GPC6: variants seen among roughly 807,000 people sequenced by gnomAD.
GPC6 encodes glypican-6.
Under a neutral mutation model 55.2 loss-of-function variants are expected in GPC6, and 14 were observed. That is an observed-to-expected ratio of 0.25 (90% confidence interval 0.17 to 0.40). The LOEUF is 0.40. Ranked by LOEUF, GPC6 falls within the 10% of genes least tolerant of loss-of-function variation. GPC6 has a pLI of 1.00. For synonymous variants in GPC6, 278 were observed against 259.6 expected, an observed-to-expected ratio of 1.07 and a Z score of -0.68; for missense variants, 641 against 708.5, an observed-to-expected ratio of 0.90 and a Z score of 1.08.
At chr13:93,635,871 A>G (rs927852313) in intron 2 of GPC6, among the ~76,000 whole-genome samples, 12 of 152,134 alleles carry the variant, frequency 7.9e-5, no homozygotes, top group Non-Finnish European at 1.2e-4. Context: ...TGCGGTTTGT[A>G]GTGTTCCTAG....
At chr13:93,715,724 G>A (rs1883229611) in intron 2 of GPC6, among the ~76,000 whole-genome samples, 1 of 151,598 alleles carries the variant, frequency 6.6e-6, no homozygotes, top group African/African-American at 2.4e-5. Context: ...CTTAAATTCT[G>A]TATTTTCTCA....
At chr13:93,764,796 T>TTTTA (rs746958166) in intron 2 of GPC6, among the ~76,000 whole-genome samples, 183 of 152,078 alleles carry the variant, frequency 1.2e-3, no homozygotes, top group Non-Finnish European at 1.9e-3. Context: ...AATACAATGT[T>TTTTA]TTTATTTATT....
chr13:94,373,132 CTG>C (rs1471299237), intron 6 of GPC6, among the ~76,000 whole-genome samples: 2 of 152,150 alleles, frequency 1.3e-5, no homozygotes, highest in African/African-American at 4.8e-5. Flanking sequence ...AACAGAAAAA[CTG>C]GAAACTCTAA....
chr13:94,250,702 A>G (rs1891322119), intron 4 of GPC6, among the ~76,000 whole-genome samples: 1 of 152,144 alleles, frequency 6.6e-6, no homozygotes, highest in Non-Finnish European at 1.5e-5. Flanking sequence ...TTTTCTTTCA[A>G]AATAATCTGG....
intron 3 of GPC6, among the ~76,000 whole-genome samples, chr13:94,017,576 G>A (rs1230032859): frequency 6.6e-6 from 1 of 152,148 alleles, no homozygotes; most frequent in African/African-American, 2.4e-5. Context: ...GATAGGTGGG[G>A]AGTTTTACAA....
At chr13:93,236,298 T>C (rs74108037) in intron 1 of GPC6, among the ~76,000 whole-genome samples, 6,299 of 152,214 alleles carry the variant, frequency 0.041, 223 homozygotes, top group East Asian at 0.097. Context: ...AATTATATAG[T>C]AGTGAATTCT....
chr13:93,269,054 T>G (rs1182187478), intron 1 of GPC6, among the ~76,000 whole-genome samples: 3 of 152,200 alleles, frequency 2.0e-5, no homozygotes, highest in Non-Finnish European at 4.4e-5. Context: ...AGGTAACAAT[T>G]ATTAAATTTA....
intron 4 of GPC6, among the ~76,000 whole-genome samples, chr13:94,264,826 G>A (rs907322683): frequency 6.6e-6 from 1 of 152,224 alleles, no homozygotes; most frequent in Non-Finnish European, 1.5e-5. Context: ...GTTCCACATG[G>A]CTGGAGAGAC....
intron 1 of GPC6, among the ~76,000 whole-genome samples, chr13:93,361,983 A>T (rs1487573086): frequency 6.6e-6 from 1 of 152,088 alleles, no homozygotes; most frequent in Non-Finnish European, 1.5e-5. Context: ...TCATACAAAG[A>T]CTCCAGCCTC....
intron 4 of GPC6, among the ~76,000 whole-genome samples, chr13:94,165,483 G>T (rs1888336251): frequency 6.6e-6 from 1 of 151,738 alleles, no homozygotes; most frequent in Admixed American, 6.6e-5. Flanking sequence ...TGGACTTTGG[G>T]GACTCAGGGG....
chr13:94,182,201 ATT>A (rs34280963), intron 4 of GPC6, among the ~76,000 whole-genome samples: 1 of 148,314 alleles, frequency 6.7e-6, no homozygotes. Flanking sequence ...TAGGTCTCAG[ATT>A]TTTTTTTTTT....
intron 2 of GPC6, among the ~76,000 whole-genome samples, chr13:93,825,289 A>G (rs1474025303): frequency 1.3e-5 from 2 of 152,216 alleles, no homozygotes; most frequent in African/African-American, 4.8e-5. Context: ...AATTTACAAT[A>G]TACAGCACAG....
intron 1 of GPC6, among the ~76,000 whole-genome samples, chr13:93,425,255 T>C (rs909446935): frequency 2.6e-5 from 4 of 152,184 alleles, no homozygotes; most frequent in Admixed American, 2.0e-4. Context: ...CTGGCCACTT[T>C]AGCAACATTG....
chr13:93,478,690 G>T (rs926860562), intron 1 of GPC6, among the ~76,000 whole-genome samples: 1 of 152,154 alleles, frequency 6.6e-6, no homozygotes, highest in Non-Finnish European at 1.5e-5. Flanking sequence ...GTGATTATGT[G>T]AGGGACATGT....
chr13:94,129,843 C>T (rs1357355302), intron 4 of GPC6, among the ~76,000 whole-genome samples: 1 of 152,094 alleles, frequency 6.6e-6, no homozygotes, highest in Non-Finnish European at 1.5e-5. Context: ...GACTCAAAGG[C>T]CACATAAGCA....
chr13:93,644,204 A>C (rs538819440), intron 2 of GPC6, among the ~76,000 whole-genome samples: 2 of 152,144 alleles, frequency 1.3e-5, no homozygotes, highest in South Asian at 4.1e-4. Context: ...TATCAAGAAA[A>C]GTTTATACTG....
intron 2 of GPC6, among the ~76,000 whole-genome samples, chr13:93,582,005 T>C (rs1436183574): frequency 1.3e-5 from 2 of 152,148 alleles, no homozygotes; most frequent in East Asian, 3.9e-4. Context: ...TTAAAGAAGT[T>C]CCTCTGGGTA....
rs1221539849 is a variant in GPC6 at position 94,403,126 on chromosome 13, A to T, written c.1577A>T (p.Glu526Val). The change falls in exon 9 of 9, where the codon GAG (glutamate) becomes GTG (valine). Residue 526 changes from glutamate (E) to valine (V), a missense_variant. Coordinates refer to ENST00000377047, the MANE Select transcript of GPC6 (RefSeq NM_005708.5). ...EAPAVDPDRR[E>V]VDSSAAQRGH... ...CCCGCAGTGGATCCCGACCGGAGAG[A>T]GGTGGACTCTTCTGCAGCCCAGCGT... 8 of 1,613,610 alleles carry T rather than the reference A, an allele frequency of 5.0e-6. No homozygotes were observed. The East Asian group carries it at 1.8e-4, about 36-fold the overall frequency.
chr13:93,929,902 A>G (rs1475288754), intron 3 of GPC6, among the ~76,000 whole-genome samples: 1 of 152,096 alleles, frequency 6.6e-6, no homozygotes, highest in Non-Finnish European at 1.5e-5. Flanking sequence ...AGAAAAGTAA[A>G]GAAATAAAAG....
Sources: allele counts gnomAD v4.1 joint callset (sites outside exome capture counted in the v4.1 genomes callset), GRCh38; gene constraint gnomAD v4.1.1; transcripts MANE v1.5; gene names NCBI Gene and HGNC (gene_info 2026-07-23, HGNC 2026-07-21).